The following SEPTIN6 variants were observed in gnomAD, a reference collection of about 807,000 sequenced individuals.
SEPTIN6 encodes septin-6.
Under a neutral mutation model 33.6 loss-of-function variants are expected in SEPTIN6, and 8 were observed. That is an observed-to-expected ratio of 0.24 (90% CI 0.14 to 0.43). The LOEUF is 0.43. Among genes scored for constraint, SEPTIN6 ranks in the 20% least tolerant of loss-of-function variants. The pLI is 1.00. For synonymous variants in SEPTIN6, 131 were observed against 140.0 expected, an observed-to-expected ratio of 0.94 and a Z score of 0.45; for missense variants, 250 against 340.8, an observed-to-expected ratio of 0.73 and a Z score of 2.10.
intron 9 of SEPTIN6, among the ~76,000 whole-genome samples, chrX:119,625,697 C>T (rs1396542100): frequency 2.7e-5 from 3 of 110,609 alleles, no homozygotes; most frequent in Non-Finnish European, 5.7e-5. Flanking sequence ...CAAGTGCCAC[C>T]AGGCCCAGCT....
downstream of SEPTIN6, chrX:119,616,532 C>T (rs1397981677): frequency 1.1e-5 from 6 of 537,824 alleles, no homozygotes; most frequent in Non-Finnish European, 1.7e-5. Flanking sequence ...ATTTAAAATA[C>T]CATGTGAGTC....
rs762907060 is a variant in SEPTIN6 at position 119,620,616 on chromosome X, G to T, written c.*42-565C>A. On this transcript the variant is annotated intron_variant, in intron 10 of 10. Coordinates refer to ENST00000394610, the MANE Select transcript of SEPTIN6 (RefSeq NM_145799.4). ...TTACAGGCGTGAGCCACTGCACCCG[G>T]CTCTTTTTTGTTGTTGTTGTTGAGA... Among the ~76,000 whole-genome samples, 8 of 107,711 alleles carry T rather than the reference G, an allele frequency of 7.4e-5. No individual in the cohort carries two copies. The South Asian group carries it at 3.3e-3, about 44-fold the overall frequency. The allele number at this position is 107,711 out of a possible 115,157, so 93.5% of individuals were successfully genotyped here.
Position 119,620,064 on chromosome X carries a change from A to G in SEPTIN6, c.*42-13T>C. Reference sequence around the variant, plus strand: ...CAGGAAGCCCAAACTGAAAATGAAAAGAGAAGCTGAGTTAATGAATGGATA... The same window carrying G: ...CAGGAAGCCCAAACTGAAAATGAAAGGAGAAGCTGAGTTAATGAATGGATA... On this transcript the variant is annotated splice_polypyrimidine_tract_variant and intron_variant, in intron 10 of 10. Transcript: ENST00000394610. 1 of 1,169,517 alleles carries G rather than the reference A, an allele frequency of 8.6e-7. No individual in the cohort carries two copies. Among genetic ancestry groups the G allele is most frequent in the East Asian group, 3.0e-5 (1 of 33,448 alleles).
chrX:119,648,556 A>C (rs2054303413), intron 5 of SEPTIN6, among the ~76,000 whole-genome samples: 1 of 111,485 alleles, frequency 9.0e-6, no homozygotes, highest in African/African-American at 3.3e-5. Flanking sequence ...GTCAGAGAAG[A>C]CCTATCTCTA....
chrX:119,629,586 G>T, intron 8 of SEPTIN6, 78 bp from the exon 9 acceptor site: 1 of 936,425 alleles, frequency 1.1e-6, no homozygotes, highest in Non-Finnish European at 1.5e-6. Flanking sequence ...GGTGGGTGGG[G>T]ACCAGTAGGG....
At chrX:119,669,919 T>C (rs1306397621) in intron 2 of SEPTIN6, among the ~76,000 whole-genome samples, 1 of 112,007 alleles carries the variant, frequency 8.9e-6, no homozygotes, top group Non-Finnish European at 1.9e-5. Context: ...CCTGGAATCC[T>C]GAGCAGCTTC....
At chrX:119,647,090 A>G (rs1417141997) in intron 5 of SEPTIN6, among the ~76,000 whole-genome samples, 5 of 110,561 alleles carry the variant, frequency 4.5e-5, no homozygotes, top group Non-Finnish European at 9.5e-5. Flanking sequence ...TTAGCCGGGC[A>G]TGGTGGTGCA....
In SEPTIN6 at chrX:119,644,408, C is replaced by CAA. The variant is rs61111445; in HGVS notation, c.691-3622_691-3621dup. 4.9e-3 allele frequency among the ~76,000 whole-genome samples: 515 copies of CAA among 104,724 alleles called. 1 individual carries two copies. Among genetic ancestry groups the CAA allele is most frequent in the African/African-American group, 0.016 (476 of 28,966 alleles). 90.9% of individuals were successfully genotyped at this position (104,724 alleles called of 115,157 possible). A position where few individuals can be genotyped will look rare whatever the true frequency, so the allele number is the denominator to read the frequency against. On this transcript the variant is annotated intron_variant, in intron 5 of 10. Coordinates refer to ENST00000394610, the MANE Select transcript of SEPTIN6 (RefSeq NM_145799.4). ...AATTTATCAACAATAGAAATTTATTCAAAAAAAAAAAATTTATTCCTCATA... is the reference window on the plus strand; with the variant it reads ...AATTTATCAACAATAGAAATTTATTCAAAAAAAAAAAAAATTTATTCCTCATA...
rs2053710615 is a variant in SEPTIN6 at position 119,619,255 on chromosome X, A to AC, written c.*837dup. On this transcript the variant is annotated 3_prime_UTR_variant, in exon 11 of 11. Coordinates refer to ENST00000394610, the MANE Select transcript of SEPTIN6 (RefSeq NM_145799.4). ...ACAGTATGGAGCCCTTCCGGAAATTACCCCCCGAGATGCTGAAATACCTCA... is the reference window on the plus strand; with the variant it reads ...ACAGTATGGAGCCCTTCCGGAAATTACCCCCCCGAGATGCTGAAATACCTCA... The AC allele has an allele frequency of 1.2e-6, 1 of 814,707 alleles. No homozygotes were observed. 67.1% of individuals were successfully genotyped at this position (814,707 alleles called of 1,213,427 possible). A position where few individuals can be genotyped will look rare whatever the true frequency, so the allele number is the denominator to read the frequency against.
chrX:119,685,408 C>A (rs1401809840), intron 1 of SEPTIN6, among the ~76,000 whole-genome samples: 1 of 111,085 alleles, frequency 9.0e-6, no homozygotes, highest in Non-Finnish European at 1.9e-5. Flanking sequence ...TCAATTCTGC[C>A]ACCTCATTCG....
chrX:119,655,739 C>A (rs1186886888), intron 3 of SEPTIN6, among the ~76,000 whole-genome samples: 5 of 112,017 alleles, frequency 4.5e-5, no homozygotes, highest in African/African-American at 1.6e-4. Flanking sequence ...GACAGCCGTT[C>A]TTAACACAGG....
At chrX:119,641,692 C>T (rs1442810670) in intron 5 of SEPTIN6, among the ~76,000 whole-genome samples, 1 of 111,737 alleles carries the variant, frequency 8.9e-6, no homozygotes, top group African/African-American at 3.3e-5. Context: ...GAGAGCTGCC[C>T]CGACTTGGCA....
intron 9 of SEPTIN6, among the ~76,000 whole-genome samples, chrX:119,628,211 C>T (rs1408211227): frequency 1.8e-5 from 2 of 109,819 alleles, no homozygotes; most frequent in African/African-American, 6.6e-5. Flanking sequence ...TAACCTACAC[C>T]TCCCGGGTTC....
At chrX:119,637,271 G>A (rs2054078432) in intron 6 of SEPTIN6, 76 bp from the exon 7 acceptor site, 1 of 963,722 alleles carries the variant, frequency 1.0e-6, no homozygotes, top group Middle Eastern at 2.7e-4. Context: ...TGAAACGAGA[G>A]GCAAAATGTC....
At chrX:119,674,478 A>C (rs1455393792) in intron 2 of SEPTIN6, among the ~76,000 whole-genome samples, 1 of 112,143 alleles carries the variant, frequency 8.9e-6, no homozygotes, top group Non-Finnish European at 1.9e-5. Flanking sequence ...TGCCCGGCCG[A>C]AGATATTCTT....
At chrX:119,672,642 T>G (rs1404018927) in intron 2 of SEPTIN6, among the ~76,000 whole-genome samples, 3 of 112,595 alleles carry the variant, frequency 2.7e-5, no homozygotes, top group Non-Finnish European at 5.6e-5. Flanking sequence ...GATATGTTTG[T>G]GCTTAAATAT....
rs2053697503 is a variant in SEPTIN6, at chrX:119,618,293, T to C, written c.*1800A>G. On this transcript the variant is annotated 3_prime_UTR_variant, in exon 11 of 11. Coordinates refer to ENST00000394610, the MANE Select transcript of SEPTIN6 (RefSeq NM_145799.4). ...TTGTGCTTTGGCAGCATCACCTTCA[T>C]ACTTGCTCTGGTCACTCACCAATCA... is the stretch of plus-strand genomic sequence containing the variant. 1.2e-6 allele frequency: 1 copy of C among 810,166 alleles called. No homozygotes were observed. The highest frequency in any genetic ancestry group is 1.5e-6 in the Non-Finnish European group (1 of 674,129). 66.8% of individuals were successfully genotyped at this position (810,166 alleles called of 1,213,427 possible).
chrX:119,631,684 G>A (rs961386778), intron 8 of SEPTIN6, among the ~76,000 whole-genome samples: 1 of 109,994 alleles, frequency 9.1e-6, no homozygotes, highest in Non-Finnish European at 1.9e-5. Flanking sequence ...CTCGGCTGAA[G>A]CATTCCTCCT....
At chrX:119,688,914 C>T (rs1356545991) in intron 1 of SEPTIN6, among the ~76,000 whole-genome samples, 1 of 111,041 alleles carries the variant, frequency 9.0e-6, no homozygotes, top group Non-Finnish European at 1.9e-5. Flanking sequence ...AGGTACGATA[C>T]TACCTTTAGT....
Sources: gnomAD v4.1 joint callset for allele counts (sites outside exome capture counted in the v4.1 genomes callset) on GRCh38, gnomAD v4.1.1 for gene constraint, MANE v1.5 for transcripts, NCBI Gene and HGNC (gene_info 2026-07-23, HGNC 2026-07-21) for gene names.